The following SDK1 variants were observed in gnomAD, a reference collection of about 807,000 sequenced individuals.
The protein encoded by SDK1 is protein sidekick-1.
SDK1 carries 157 observed loss-of-function variants against 245.5 expected under a neutral mutation model. The observed-to-expected ratio is 0.64, with a 90% CI of 0.56 to 0.73. The LOEUF is 0.73. Ranked by LOEUF, SDK1 falls within the 30% of genes least tolerant of loss-of-function variation. The pLI is 0.00. For synonymous variants in SDK1, 1,647 were observed against 1,278.5 expected, an observed-to-expected ratio of 1.29 and a Z score of -6.15; for missense variants, 3,583 against 3,002.3, an observed-to-expected ratio of 1.19 and a Z score of -4.52.
intron 1 of SDK1, among the ~76,000 whole-genome samples, chr7:3,551,766 C>T (rs1019812705): frequency 2.0e-5 from 3 of 151,960 alleles, no homozygotes; most frequent in Admixed American, 6.6e-5. Context: ...GCCTGAGACT[C>T]GTGGGTTCGA....
At chr7:4,070,740 C>G (rs1245299985) in intron 20 of SDK1, among the ~76,000 whole-genome samples, 6 of 150,072 alleles carry the variant, frequency 4.0e-5, no homozygotes, top group Non-Finnish European at 5.9e-5. Flanking sequence ...GATGGAGTCT[C>G]ACTCTGCAGC....
chr7:3,536,618 T>TG (rs1778894805), intron 1 of SDK1, among the ~76,000 whole-genome samples: 1 of 151,732 alleles, frequency 6.6e-6, no homozygotes, highest in African/African-American at 2.4e-5. Context: ...TGCTCGAACG[T>TG]GGGAGATGGA....
chr7:3,845,067 A>T (rs1780243190), intron 5 of SDK1, among the ~76,000 whole-genome samples: 1 of 152,172 alleles, frequency 6.6e-6, no homozygotes, highest in Non-Finnish European at 1.5e-5. Flanking sequence ...CAGCTGCCCA[A>T]AGGTGCAGCT....
At chr7:3,384,660 G>C (rs1052310684) in intron 1 of SDK1, among the ~76,000 whole-genome samples, 1 of 152,190 alleles carries the variant, frequency 6.6e-6, no homozygotes, top group Non-Finnish European at 1.5e-5. Context: ...TAGATTAGCT[G>C]TAGCTTCCCT....
chr7:3,636,489 C>T (rs1461722278), intron 2 of SDK1, among the ~76,000 whole-genome samples: 8 of 152,188 alleles, frequency 5.3e-5, no homozygotes, highest in Admixed American at 6.5e-5. Context: ...TGGTTTACTT[C>T]ACTTAGATGA....
intron 4 of SDK1, among the ~76,000 whole-genome samples, chr7:3,731,168 C>T (rs539996960): frequency 3.0e-4 from 46 of 152,272 alleles, no homozygotes; most frequent in Middle Eastern, 6.8e-3. Context: ...GGGTGACGGG[C>T]GGAGAGCTGG....
At chr7:4,033,499 A>G (rs948695579) in intron 17 of SDK1, among the ~76,000 whole-genome samples, 1 of 152,198 alleles carries the variant, frequency 6.6e-6, no homozygotes, top group Admixed American at 6.5e-5. Context: ...AATATTCCAT[A>G]TGCAAAAAAA....
At chr7:3,813,652 G>C (rs1236492180) in intron 4 of SDK1, among the ~76,000 whole-genome samples, 45 of 143,946 alleles carry the variant, frequency 3.1e-4, no homozygotes, top group South Asian at 1.4e-3. Context: ...GGGTCAAATG[G>C]TATTTCTAGT....
intron 5 of SDK1, among the ~76,000 whole-genome samples, chr7:3,898,342 A>G (rs1583529075): frequency 1.3e-5 from 2 of 152,222 alleles, no homozygotes; most frequent in South Asian, 4.1e-4. Flanking sequence ...AAGCGCAGAC[A>G]TGGGACAAGC....
chr7:3,777,851 G>C (rs965311548), intron 4 of SDK1, among the ~76,000 whole-genome samples: 3 of 152,144 alleles, frequency 2.0e-5, no homozygotes, highest in Non-Finnish European at 4.4e-5. Flanking sequence ...TTAAAGTGTT[G>C]CTAAAAAATA....
At chr7:3,723,429 G>C (rs1400868306) in intron 4 of SDK1, among the ~76,000 whole-genome samples, 2 of 152,172 alleles carry the variant, frequency 1.3e-5, no homozygotes, top group African/African-American at 4.8e-5. Context: ...GACTTAATAA[G>C]GGGATCTCCC....
intron 20 of SDK1, among the ~76,000 whole-genome samples, chr7:4,075,731 T>G (rs928717526): frequency 1.3e-5 from 2 of 151,930 alleles, no homozygotes; most frequent in African/African-American, 2.4e-5. Flanking sequence ...CTTGGCTCAC[T>G]GCAACCTCCG....
rs113100641 is a variant in SDK1, at chr7:3,549,009, G to T, written c.299-70071G>T. ...ATATATTGGCTGTGCTGGAGGTGAG[G>T]CGCCCCCCTTCCTCCTGCAGCCAGA... On this transcript the variant is annotated intron_variant, in intron 1 of 44. Coordinates refer to ENST00000404826, the MANE Select transcript of SDK1 (RefSeq NM_152744.4). Among the ~76,000 whole-genome samples, 1,312 of 152,254 alleles carry T rather than the reference G, an allele frequency of 8.6e-3. 23 individuals are homozygous for T. Among genetic ancestry groups the T allele is most frequent in the African/African-American group, 0.03 (1,234 of 41,496 alleles).
chr7:4,045,611 G>C (rs1048937077), intron 17 of SDK1, among the ~76,000 whole-genome samples: 1 of 152,106 alleles, frequency 6.6e-6, no homozygotes, highest in African/African-American at 2.4e-5. Context: ...AGGATTACCG[G>C]GTCACGTGGC....
In SDK1 at chr7:3,514,826, A is replaced by T. The variant is rs142845121; in HGVS notation, c.299-104254A>T. On this transcript the variant is annotated intron_variant, in intron 1 of 44. Transcript: ENST00000404826. The stretch of plus-strand genomic sequence containing the variant: ...TTACTAAAGAGAAATGAGAGAATGG[A>T]TATTGGGCAGTGTAACAATCTTTGC... 3.6e-3 allele frequency among the ~76,000 whole-genome samples: 552 copies of T among 152,280 alleles called. 7 individuals carry two copies. The highest frequency in any genetic ancestry group is 0.012 in the African/African-American group (504 of 41,574).
chr7:3,483,336 C>G (rs528772626), intron 1 of SDK1, among the ~76,000 whole-genome samples: 1 of 152,220 alleles, frequency 6.6e-6, no homozygotes, highest in South Asian at 2.1e-4. Flanking sequence ...TTTATACCCA[C>G]TTTTCCATTT....
chr7:3,773,350 T>G (rs1262324489), intron 4 of SDK1, among the ~76,000 whole-genome samples: 1 of 152,024 alleles, frequency 6.6e-6, no homozygotes, highest in East Asian at 1.9e-4. Flanking sequence ...ATTTATCACT[T>G]CAGTTTTTTT....
At chr7:3,818,260 T>C (rs1294788318) in intron 4 of SDK1, among the ~76,000 whole-genome samples, 1 of 152,252 alleles carries the variant, frequency 6.6e-6, no homozygotes, top group Non-Finnish European at 1.5e-5. Flanking sequence ...AATTTTTCTA[T>C]GAAGTCAGTG....
chr7:3,880,569 T>TTA (rs1491035116), intron 5 of SDK1, among the ~76,000 whole-genome samples: 4 of 129,046 alleles, frequency 3.1e-5, no homozygotes, highest in East Asian at 2.0e-4. Flanking sequence ...TTTTTTTTTT[T>TTA]AAGAACATGC....
Sources: allele counts gnomAD v4.1 joint callset (sites outside exome capture counted in the v4.1 genomes callset), GRCh38; gene constraint gnomAD v4.1.1; transcripts MANE v1.5; gene names NCBI Gene and HGNC (gene_info 2026-07-23, HGNC 2026-07-21).